The following DSCAM variants were observed in gnomAD, a reference collection of about 807,000 sequenced individuals.
DSCAM encodes the protein DS cell adhesion molecule, also known as cell adhesion molecule DSCAM.
In DSCAM, 47 loss-of-function variants were observed where a neutral mutation model predicts 217.7. The ratio of observed to expected loss-of-function variants is 0.22; its 90% CI spans 0.17 to 0.28. The LOEUF (loss-of-function observed/expected upper bound fraction) is 0.28. Ranked by LOEUF, DSCAM falls within the 10% of genes least tolerant of loss-of-function variation. The probability of loss-of-function intolerance (pLI) is 1.00; values close to 1 mark genes in which losing one functional copy is unlikely to be tolerated. For missense variants in DSCAM, 2,080 were observed against 2,618.3 expected, an observed-to-expected ratio of 0.79 and a Z score of 4.49; for synonymous variants, 1,056 against 1,015.3, an observed-to-expected ratio of 1.04 and a Z score of -0.76.
At chr21:40,155,243 C>G (rs2090463619) in intron 16 of DSCAM, among the ~76,000 whole-genome samples, 1 of 152,210 alleles carries the variant, frequency 6.6e-6, no homozygotes, top group East Asian at 1.9e-4. Context: ...GCTTTGCTTC[C>G]TATGAATCAA....
At chr21:40,035,795 C>A (rs1406354458) in intron 32 of DSCAM, among the ~76,000 whole-genome samples, 1 of 145,788 alleles carries the variant, frequency 6.9e-6, no homozygotes, top group African/African-American at 2.7e-5. Flanking sequence ...TGTAAAAGAA[C>A]AGAAATTATA....
At chr21:40,047,773 A>G (rs2088865543) in intron 30 of DSCAM, among the ~76,000 whole-genome samples, 1 of 152,166 alleles carries the variant, frequency 6.6e-6, no homozygotes, top group Admixed American at 6.5e-5. Flanking sequence ...AAAAATATTT[A>G]TCTAGCACTT....
rs186166045 is a variant in DSCAM at position 40,251,823 on chromosome 21, C to T, written c.2356+24274G>A. On this transcript the variant is annotated intron_variant, in intron 11 of 32. Transcript: ENST00000400454. Reference sequence around the variant, plus strand: ...TTCCATCTTTCAACTCTCTCTGTTGCCTTCTCCACTTGCATGTTTTCTTTT... The same window carrying T: ...TTCCATCTTTCAACTCTCTCTGTTGTCTTCTCCACTTGCATGTTTTCTTTT... Among the ~76,000 whole-genome samples the T allele has an allele frequency of 1.4e-4, 21 of 152,308 alleles. No individual in the cohort carries two copies. In the East Asian group the frequency reaches 3.9e-3, roughly 28 times the overall value.
chr21:40,280,701 T>C (rs924837173), intron 10 of DSCAM, among the ~76,000 whole-genome samples: 1 of 152,184 alleles, frequency 6.6e-6, no homozygotes, highest in Non-Finnish European at 1.5e-5. Context: ...AAACATAAAA[T>C]AATGTAGCCT....
At chr21:40,808,638 C>A (rs2091810375) in intron 1 of DSCAM, among the ~76,000 whole-genome samples, 1 of 152,016 alleles carries the variant, frequency 6.6e-6, no homozygotes, top group Non-Finnish European at 1.5e-5. Context: ...CCATACCTAC[C>A]TAATTTTTTT....
At chr21:40,646,738 C>T (rs76583849) in intron 3 of DSCAM, among the ~76,000 whole-genome samples, 42 of 152,312 alleles carry the variant, frequency 2.8e-4, no homozygotes, top group Middle Eastern at 3.4e-3. Context: ...GTGAGGCTGA[C>T]TGGCCTTGCT....
intron 11 of DSCAM, among the ~76,000 whole-genome samples, chr21:40,270,195 T>C (rs2073596882): frequency 6.6e-6 from 1 of 152,218 alleles, no homozygotes; most frequent in South Asian, 2.1e-4. Flanking sequence ...TCCAGCACAC[T>C]TACGTTCCCT....
Position 40,759,699 on chromosome 21 carries a change from A to C in DSCAM, c.44-50928T>G, listed in dbSNP as rs145214944. 6.5e-3 allele frequency among the ~76,000 whole-genome samples: 988 copies of C among 152,256 alleles called. 8 individuals are homozygous for C. Among genetic ancestry groups the C allele is most frequent in the Non-Finnish European group, 9.3e-3 (630 of 68,020 alleles). On this transcript the variant is annotated intron_variant, in intron 1 of 32. Transcript: ENST00000400454. ...GGAGCATGAGAACCATTCTGGCTTC[A>C]GTCCAGGACTTCAAAGCCAGCTCCC...
intron 3 of DSCAM, among the ~76,000 whole-genome samples, chr21:40,529,799 T>G (rs2076429101): frequency 6.6e-6 from 1 of 152,192 alleles, no homozygotes; most frequent in South Asian, 2.1e-4. Context: ...AGCATAACTC[T>G]TGGCTATCTA....
chr21:40,036,370 A>C (rs2088623228), intron 32 of DSCAM, among the ~76,000 whole-genome samples: 1 of 149,030 alleles, frequency 6.7e-6, no homozygotes, highest in Admixed American at 6.6e-5. Context: ...AACTACCATC[A>C]GAGAATACTA....
chr21:40,230,159 C>T (rs1486172175), intron 11 of DSCAM, among the ~76,000 whole-genome samples: 2 of 152,108 alleles, frequency 1.3e-5, no homozygotes, highest in Non-Finnish European at 2.9e-5. Context: ...GTTTTCTTTT[C>T]TTGCAATGTT....
chr21:40,110,780 G>C (rs1490798935), intron 20 of DSCAM, among the ~76,000 whole-genome samples: 3 of 152,228 alleles, frequency 2.0e-5, no homozygotes, highest in Non-Finnish European at 2.9e-5. Flanking sequence ...ACAAGCCTCA[G>C]TAGCTGATTC....
intron 18 of DSCAM, among the ~76,000 whole-genome samples, chr21:40,137,954 G>A (rs935234741): frequency 6.6e-6 from 1 of 151,892 alleles, no homozygotes; most frequent in Non-Finnish European, 1.5e-5. Flanking sequence ...AAAATTCAGA[G>A]GAAAATGGTA....
chr21:40,637,632 A>T lies in DSCAM; in HGVS notation c.508+55178T>A, dbSNP rs796634577. Among the ~76,000 whole-genome samples the T allele has an allele frequency of 1.2e-4, 5 of 42,224 alleles. 1 individual carries two copies. The South Asian group carries it at 2.4e-3, about 20-fold the overall frequency. The allele number at this position is 42,224 out of a possible 152,430, so 27.7% of individuals were successfully genotyped here. On this transcript the variant is annotated intron_variant, in intron 3 of 32. Transcript: ENST00000400454. ...ATATATATAAATATATACATATATA[A>T]ATATATATAAATATATATCTATATA...
chr21:40,566,501 G>T (rs973907978), intron 3 of DSCAM, among the ~76,000 whole-genome samples: 2 of 152,084 alleles, frequency 1.3e-5, no homozygotes, highest in African/African-American at 2.4e-5. Flanking sequence ...TTTTCACACC[G>T]CTACTCACCA....
intron 3 of DSCAM, among the ~76,000 whole-genome samples, chr21:40,628,560 T>C (rs1277496411): frequency 6.6e-6 from 1 of 152,202 alleles, no homozygotes; most frequent in South Asian, 2.1e-4. Flanking sequence ...GGCAGAGTTA[T>C]GTAGTAATAA....
chr21:40,593,053 A>T (rs2076995230), intron 3 of DSCAM, among the ~76,000 whole-genome samples: 1 of 152,360 alleles, frequency 6.6e-6, no homozygotes, highest in South Asian at 2.1e-4. Flanking sequence ...AATTAGTACT[A>T]AAAGTATTTT....
intron 32 of DSCAM, among the ~76,000 whole-genome samples, chr21:40,022,406 A>G (rs889592523): frequency 2.0e-5 from 3 of 152,244 alleles, no homozygotes; most frequent in Non-Finnish European, 4.4e-5. Context: ...TTAGATGATC[A>G]GAATTCATAA....
chr21:40,128,682 C>G (rs2146679246), intron 19 of DSCAM, among the ~76,000 whole-genome samples: 1 of 146,452 alleles, frequency 6.8e-6, no homozygotes, highest in African/African-American at 2.6e-5. Flanking sequence ...GCTGGTGACT[C>G]CAGCCTCATA....
Sources: allele counts gnomAD v4.1 joint callset (sites outside exome capture counted in the v4.1 genomes callset), GRCh38; gene constraint gnomAD v4.1.1; transcripts MANE v1.5; gene names NCBI Gene and HGNC (gene_info 2026-07-23, HGNC 2026-07-21).